RRAD: variants seen among roughly 807,000 people sequenced by gnomAD.
RRAD encodes GTP-binding protein RAD.
A neutral mutation model predicts 24.7 loss-of-function variants in RRAD; 15 were observed. The ratio of observed to expected loss-of-function variants is 0.61; its 90% CI spans 0.41 to 0.93. RRAD has a LOEUF of 0.93. RRAD is among the 40% of genes least tolerant of loss of function. The pLI, the probability that RRAD is intolerant of heterozygous loss-of-function variation, is 0.00. For missense variants in RRAD, 438 were observed against 452.2 expected, an observed-to-expected ratio of 0.97 and a Z score of 0.29; for synonymous variants, 180 against 189.8, an observed-to-expected ratio of 0.95 and a Z score of 0.43.
rs1962927132 is a variant in RRAD, at chr16:66,922,300, C to T, written c.703G>A (p.Ala235Thr). The T allele has an allele frequency of 1.2e-6, 2 of 1,609,740 alleles. No individual in the cohort carries two copies. Among genetic ancestry groups the T allele is most frequent in the Non-Finnish European group, 1.7e-6 (2 of 1,176,902 alleles). ...FDCKFIETSA[A>T]LHHNVQALFE... ...AGCGCCTGGACATTGTGGTGCAATG[C>T]CGCTGATGTCTCAATGAACTTGCAG... Residue 235 changes from alanine to threonine, a missense_variant, in exon 5 of 5, where the codon GCA (alanine) becomes ACA (threonine). Physicochemically the swap from Ala to Thr is moderately conservative, Grantham distance 58. Coordinates refer to ENST00000299759, the MANE Select transcript of RRAD (RefSeq NM_004165.3).
chr16:66,923,841 C>T lies in RRAD; in HGVS notation c.444+5G>A, dbSNP rs777871522. 6.2e-7 allele frequency: 1 copy of T among 1,613,828 alleles called. No individual in the cohort carries two copies. The highest frequency in any genetic ancestry group is 2.2e-5 in the East Asian group (1 of 44,862). ...CCCTGCCCTGGGTCTCTGCTTGCAC[C>T]CTACCTGCTCCCAAATGTCGTAGAC... On this transcript the variant is annotated splice_donor_5th_base_variant and intron_variant, in intron 3 of 4. Transcript: ENST00000299759. The surrounding 1 kb of genome is among the most constrained non-coding windows in gnomAD (Gnocchi z 4.9).
chr16:66,923,354 C>T lies in RRAD; in HGVS notation c.649+162G>A, dbSNP rs1172611898. Reference sequence around the variant, plus strand: ...CCAGCCCTCTGGGGCCTTCCGGAGCCCTGTGAGCAGGCACCAGCTCTCTCC... The same window carrying T: ...CCAGCCCTCTGGGGCCTTCCGGAGCTCTGTGAGCAGGCACCAGCTCTCTCC... On this transcript the variant is annotated intron_variant, in intron 4 of 4. Transcript: ENST00000299759. The surrounding 1 kb of genome is among the most constrained non-coding windows in gnomAD (Gnocchi z 4.9). Among the ~76,000 whole-genome samples, 1 of 152,132 alleles carries T rather than the reference C, an allele frequency of 6.6e-6. No individual in the cohort carries two copies. The highest frequency in any genetic ancestry group is 1.5e-5 in the Non-Finnish European group (1 of 68,018).
Position 66,922,036 on chromosome 16 carries a change from C to T in RRAD, c.*40G>A, listed in dbSNP as rs1246923022. 6.4e-7 allele frequency: 1 copy of T among 1,568,320 alleles called. No individual in the cohort carries two copies. The highest frequency in any genetic ancestry group is 1.3e-5 in the African/African-American group (1 of 74,100). Reference sequence around the variant, plus strand: ...CAGTTGGCTGGGCCAGCCCACCAACCCTTCCGTTCGTCTCCCACCATAGTG... The same window carrying T: ...CAGTTGGCTGGGCCAGCCCACCAACTCTTCCGTTCGTCTCCCACCATAGTG... On this transcript the variant is annotated 3_prime_UTR_variant, in exon 5 of 5. Transcript: ENST00000299759.
rs991940459 is a variant in RRAD at position 66,923,245 on chromosome 16, C to A, written c.649+271G>T. Among the ~76,000 whole-genome samples the A allele has an allele frequency of 6.6e-6, 1 of 152,200 alleles. No homozygotes were observed. Among genetic ancestry groups the A allele is most frequent in the African/African-American group, 2.4e-5 (1 of 41,450 alleles). ...ACACTCTCTTCCACCCATTTACCCC[C>A]CCAACCAGCCAGGCCAGGACCAAGA... On this transcript the variant is annotated intron_variant, in intron 4 of 4. Transcript: ENST00000299759. The surrounding 1 kb of genome is among the most constrained non-coding windows in gnomAD (Gnocchi z 4.9).
In RRAD at chr16:66,924,380, G is replaced by A. The variant is rs1962961829; in HGVS notation, c.370+430C>T. ...CTGAAAGCGCCAATAGAATTCCACAGTATTGGCCAGGTGCGGTGGCTCACG... is the reference window on the plus strand; with the variant it reads ...CTGAAAGCGCCAATAGAATTCCACAATATTGGCCAGGTGCGGTGGCTCACG... On this transcript the variant is annotated intron_variant, in intron 2 of 4. Transcript: ENST00000299759. This position sits in a 1 kb window ranked among gnomAD's most constrained non-coding sequence, Gnocchi z 4.2. Among the ~76,000 whole-genome samples the A allele has an allele frequency of 6.6e-6, 1 of 152,196 alleles. No homozygotes were observed. Among genetic ancestry groups the A allele is most frequent in the Admixed American group, 6.5e-5 (1 of 15,282 alleles).
In RRAD at chr16:66,922,079, G is replaced by A; in HGVS notation, c.924C>T (p.Leu308=). ...CCATAGTGGGAGCGGGTGGGACCTA[G>A]AGAACCGAGAGGTCGTGGCAGGACT... The part of the protein sequence containing the change: ...KSKSCHDLSV[L] The change falls in exon 5 of 5, where the codon CTC becomes CTT. Residue 308 remains leucine (L), a synonymous_variant. Coordinates refer to ENST00000299759, the MANE Select transcript of RRAD (RefSeq NM_004165.3). 1.2e-6 allele frequency: 2 copies of A among 1,604,880 alleles called. No homozygotes were observed. Among genetic ancestry groups the A allele is most frequent in the South Asian group, 1.1e-5 (1 of 90,908 alleles).
rs1199618768 is a variant in RRAD, at chr16:66,925,033, C to T, written c.147G>A (p.Ala49=). The change falls in exon 2 of 5, where the codon GCG becomes GCA. Residue 49 remains alanine, a synonymous_variant. Coordinates refer to ENST00000299759, the MANE Select transcript of RRAD (RefSeq NM_004165.3). This position sits in a 1 kb window ranked among gnomAD's most constrained non-coding sequence, Gnocchi z 5.2. ...SMPVDERDLQ[A]ALTPGALTAA... ...CCGTCAGGGCACCCGGGGTCAGCGC[C>T]GCCTGCAGGTCGCGCTCGTCCACCG... The T allele has an allele frequency of 3.7e-6, 5 of 1,367,408 alleles. No homozygotes were observed. The highest frequency in any genetic ancestry group is 4.7e-6 in the Non-Finnish European group (5 of 1,056,508). The allele number at this position is 1,367,408 out of a possible 1,614,324, so 84.7% of individuals were successfully genotyped here.
chr16:66,923,726 G>A lies in RRAD; in HGVS notation c.445-6C>T. ...GGCAACCAGCGGCCCCCGTCCTGGA[G>A]AACACACAACACACATCTGCCCAAC... On this transcript the variant is annotated splice_region_variant and splice_polypyrimidine_tract_variant and intron_variant, in intron 3 of 4. Transcript: ENST00000299759. This position sits in a 1 kb window ranked among gnomAD's most constrained non-coding sequence, Gnocchi z 4.9. 1 of 1,614,042 alleles carries A rather than the reference G, an allele frequency of 6.2e-7. No homozygotes were observed. The highest frequency in any genetic ancestry group is 8.5e-7 in the Non-Finnish European group (1 of 1,179,992).
Position 66,925,445 on chromosome 16 carries a change from G to A in RRAD, c.-52C>T. ...CAGACACGCTCAGGACTAGGATCCG[G>A]ATTAGGAGGCCACGCACTCGTAGTC... On this transcript the variant is annotated 5_prime_UTR_variant, in exon 1 of 5. Coordinates refer to ENST00000299759, the MANE Select transcript of RRAD (RefSeq NM_004165.3). This position sits in a 1 kb window ranked among gnomAD's most constrained non-coding sequence, Gnocchi z 5.2. 1 of 312,712 alleles carries A rather than the reference G, an allele frequency of 3.2e-6. No homozygotes were observed. Among genetic ancestry groups the A allele is most frequent in the Non-Finnish European group, 5.8e-6 (1 of 171,716 alleles). 19.4% of individuals were successfully genotyped at this position (312,712 alleles called of 1,614,324 possible). A position where few individuals can be genotyped will look rare whatever the true frequency, so the allele number is the denominator to read the frequency against.
In RRAD at chr16:66,921,908, C is replaced by T. The variant is rs1199253857; in HGVS notation, c.*168G>A. 2.6e-5 allele frequency: 16 copies of T among 613,748 alleles called. No homozygotes were observed. In the Admixed American group the frequency reaches 3.9e-4, roughly 15 times the overall value. The allele number at this position is 613,748 out of a possible 1,614,324, so 38.0% of individuals were successfully genotyped here. A position where few individuals can be genotyped will look rare whatever the true frequency, so the allele number is the denominator to read the frequency against. On this transcript the variant is annotated 3_prime_UTR_variant, in exon 5 of 5. Coordinates refer to ENST00000299759, the MANE Select transcript of RRAD (RefSeq NM_004165.3). The stretch of plus-strand genomic sequence containing the variant: ...CCTCACTGGCCCCTGAGAGCCACTT[C>T]GCAGGGCAGCACTGTCTATCTGTCC...
In RRAD at chr16:66,923,698, C is replaced by T. The variant is rs1424278595; in HGVS notation, c.467G>A (p.Gly156Asp). ...GGCATCCCCCATGGCCATGCAGTGG[C>T]CGGGCAACCAGCGGCCCCCGTCCTG... The part of the protein sequence containing the change: ...WEQDGGRWLP[G>D]HCMAMGDAYV... Residue 156 changes from glycine to aspartate, a missense_variant, in exon 4 of 5, where the codon GGC becomes GAC. Physicochemically the swap from Gly to Asp is moderately conservative, Grantham distance 94 (BLOSUM62 -1). Transcript: ENST00000299759. This position sits in a 1 kb window ranked among gnomAD's most constrained non-coding sequence, Gnocchi z 4.9. 3.7e-6 allele frequency: 6 copies of T among 1,614,016 alleles called. No individual in the cohort carries two copies. Among genetic ancestry groups the T allele is most frequent in the Middle Eastern group, 1.6e-4 (1 of 6,084 alleles).
chr16:66,924,676 T>A lies in RRAD; in HGVS notation c.370+134A>T, dbSNP rs1317192412. The A allele has an allele frequency of 4.3e-6, 3 of 697,784 alleles. No individual in the cohort carries two copies. Among genetic ancestry groups the A allele is most frequent in the Non-Finnish European group, 5.7e-6 (3 of 526,964 alleles). 43.2% of individuals were successfully genotyped at this position (697,784 alleles called of 1,614,324 possible). A position where few individuals can be genotyped will look rare whatever the true frequency, so the allele number is the denominator to read the frequency against. On this transcript the variant is annotated intron_variant, in intron 2 of 4. Coordinates refer to ENST00000299759, the MANE Select transcript of RRAD (RefSeq NM_004165.3). The surrounding 1 kb of genome is among the most constrained non-coding windows in gnomAD (Gnocchi z 4.2). ...GCGAAACTCTGTCTCAAAATAATAA[T>A]AAAATAATAATAATAATAATAATAA...
chr16:66,921,883 C>T lies in RRAD; in HGVS notation c.*193G>A. On this transcript the variant is annotated 3_prime_UTR_variant, in exon 5 of 5. Coordinates refer to ENST00000299759, the MANE Select transcript of RRAD (RefSeq NM_004165.3). ...GCGCATGCATCTCTGTGGGCCCAGC[C>T]CTCACTGGCCCCTGAGAGCCACTTC... is the stretch of plus-strand genomic sequence containing the variant. 1.7e-6 allele frequency: 1 copy of T among 582,720 alleles called. No homozygotes were observed. Among genetic ancestry groups the T allele is most frequent in the Non-Finnish European group, 3.0e-6 (1 of 330,936 alleles). The allele number at this position is 582,720 out of a possible 1,614,324, so 36.1% of individuals were successfully genotyped here.
Position 66,924,873 on chromosome 16 carries a change from C to G in RRAD, c.307G>C (p.Gly103Arg), listed in dbSNP as rs1962971228. The change falls in exon 2 of 5, where the codon GGC becomes CGC. Residue 103 changes from glycine (G) to arginine (R), a missense_variant. Physicochemically the swap from Gly to Arg is moderately radical, Grantham distance 125. Transcript: ENST00000299759. This position sits in a 1 kb window ranked among gnomAD's most constrained non-coding sequence, Gnocchi z 4.2. ...AAGATGCGCGCCAGGGCGCTCTTGC[C>G]CACGCCGGGCGCCCCCAGCAGCAGC... ...KVLLLGAPGV[G>R]KSALARIFGG... is the part of the protein sequence containing the mutation. 3 of 1,587,504 alleles carry G rather than the reference C, an allele frequency of 1.9e-6. No individual in the cohort carries two copies. Among genetic ancestry groups the G allele is most frequent in the African/African-American group, 1.3e-5 (1 of 74,426 alleles).
In RRAD at chr16:66,923,294, G is replaced by C. The variant is rs944113987; in HGVS notation, c.649+222C>G. ...GAGGGGCAGGAGAGGAGGGCCCTGC[G>C]GTGCCCAGCTCCCCTATCAGATTTG... On this transcript the variant is annotated intron_variant, in intron 4 of 4. Coordinates refer to ENST00000299759, the MANE Select transcript of RRAD (RefSeq NM_004165.3). The surrounding 1 kb of genome is among the most constrained non-coding windows in gnomAD (Gnocchi z 4.9). 2.0e-5 allele frequency among the ~76,000 whole-genome samples: 3 copies of C among 152,120 alleles called. No homozygotes were observed. Among genetic ancestry groups the C allele is most frequent in the Non-Finnish European group, 4.4e-5 (3 of 68,018 alleles).
chr16:66,921,981 G>A lies in RRAD; in HGVS notation c.*95C>T. 1 of 1,148,276 alleles carries A rather than the reference G, an allele frequency of 8.7e-7. No homozygotes were observed. The highest frequency in any genetic ancestry group is 1.2e-6 in the Non-Finnish European group (1 of 807,694). The allele number at this position is 1,148,276 out of a possible 1,614,324, so 71.1% of individuals were successfully genotyped here. ...CCGGCTGGCAGCTCCGAGGGACCCA[G>A]AGTCTGAGCCTGCTCTGAGGCACCC... On this transcript the variant is annotated 3_prime_UTR_variant, in exon 5 of 5. Coordinates refer to ENST00000299759, the MANE Select transcript of RRAD (RefSeq NM_004165.3).
At chr16:66,922,490 C>T in intron 4 of RRAD, 137 bp from the exon 5 acceptor site, 3 of 862,896 alleles carry the variant, frequency 3.5e-6, no homozygotes, top group Non-Finnish European at 5.2e-6. Context: ...GACCCCAGCT[C>T]CTGTACTGAG....
chr16:66,921,787 G>A lies in RRAD; in HGVS notation c.*289C>T, dbSNP rs914718566. 1.1e-5 allele frequency: 4 copies of A among 376,204 alleles called. No individual in the cohort carries two copies. The highest frequency in any genetic ancestry group is 8.2e-5 in the African/African-American group (4 of 48,664). 23.3% of individuals were successfully genotyped at this position (376,204 alleles called of 1,614,324 possible). A position where few individuals can be genotyped will look rare whatever the true frequency, so the allele number is the denominator to read the frequency against. On this transcript the variant is annotated 3_prime_UTR_variant, in exon 5 of 5. Coordinates refer to ENST00000299759, the MANE Select transcript of RRAD (RefSeq NM_004165.3). ...AGGCACACCCGGGCTGTGAAAAAAGGCAGAGTCCTCTCCCGGCACGCAGGC... is the reference window on the plus strand; with the variant it reads ...AGGCACACCCGGGCTGTGAAAAAAGACAGAGTCCTCTCCCGGCACGCAGGC...
rs943979474 is a variant in RRAD, at chr16:66,925,110, G to A, written c.70C>T (p.Arg24Trp). The change falls in exon 2 of 5, where the codon CGG (arginine) becomes TGG (tryptophan). Residue 24 changes from arginine to tryptophan, a missense_variant. Arg to Trp is a moderately radical substitution (Grantham distance 101, BLOSUM62 -3). Coordinates refer to ENST00000299759, the MANE Select transcript of RRAD (RefSeq NM_004165.3). This position sits in a 1 kb window ranked among gnomAD's most constrained non-coding sequence, Gnocchi z 5.2. ...GCGGGGCCCCAGGGTGTGCTGCCCC[G>A]ACGGCGCTCGCGCTCCTGGCCCCCA... ...RGGGQERERR[R>W]GSTPWGPAPP... The A allele has an allele frequency of 2.4e-6, 3 of 1,228,306 alleles. No homozygotes were observed. Among genetic ancestry groups the A allele is most frequent in the African/African-American group, 3.1e-5 (2 of 64,008 alleles). 76.1% of individuals were successfully genotyped at this position (1,228,306 alleles called of 1,614,324 possible). A position where few individuals can be genotyped will look rare whatever the true frequency, so the allele number is the denominator to read the frequency against.
Sources: gnomAD v4.1 joint callset for allele counts (sites outside exome capture counted in the v4.1 genomes callset) on GRCh38, gnomAD v4.1.1 for gene constraint, Gnocchi (gnomAD v3.1) non-coding constraint, MANE v1.5 for transcripts, NCBI Gene and HGNC (gene_info 2026-07-23, HGNC 2026-07-21) for gene names.